The following CLCA4 variants were observed in gnomAD, a reference collection of about 807,000 sequenced individuals.
CLCA4 encodes the protein calcium-activated chloride channel regulator 4.
CLCA4 carries 69 observed loss-of-function variants against 78.9 expected under a neutral mutation model. The ratio of observed to expected loss-of-function variants is 0.87; its 90% CI spans 0.72 to 1.07. The LOEUF (loss-of-function observed/expected upper bound fraction) is 1.07, where lower values mean the gene tolerates loss of function less well. CLCA4 is among the 50% of genes least tolerant of loss of function. The pLI is 0.00. For missense variants in CLCA4, 1,133 were observed against 1,095.8 expected (o/e 1.03, Z -0.48); for synonymous variants, 362 against 375.8 (o/e 0.96, Z 0.42).
chr1:86,553,951 GTGTCAA>G (rs1366558083), intron 1 of CLCA4, among the ~76,000 whole-genome samples: 1 of 152,124 alleles, frequency 6.6e-6, no homozygotes, highest in East Asian at 1.9e-4. Context: ...AAAAGTTTGT[GTGTCAA>G]TGTATGACCC....
At chr1:86,561,008 T>TA (rs947192776) in intron 3 of CLCA4, among the ~76,000 whole-genome samples, 3 of 152,234 alleles carry the variant, frequency 2.0e-5, no homozygotes, top group Non-Finnish European at 4.4e-5. Context: ...CATGTATCAC[T>TA]ATTAAATGGG....
At chr1:86,552,345 G>A (rs1281968861) in intron 1 of CLCA4, among the ~76,000 whole-genome samples, 2 of 152,326 alleles carry the variant, frequency 1.3e-5, no homozygotes, top group South Asian at 2.1e-4. Flanking sequence ...AAAGAGAGAC[G>A]AAGGGCCCAG....
At chr1:86,578,862 A>G (rs764473698) in intron 12 of CLCA4, among the ~76,000 whole-genome samples, 2 of 152,056 alleles carry the variant, frequency 1.3e-5, no homozygotes, top group African/African-American at 4.8e-5. Context: ...AAGTGATGTA[A>G]GAATTAAGAA....
chr1:86,577,396 T>C (rs781092368), intron 11 of CLCA4, among the ~76,000 whole-genome samples: 1 of 152,104 alleles, frequency 6.6e-6, no homozygotes, highest in Non-Finnish European at 1.5e-5. Flanking sequence ...GACCTTTCCC[T>C]AGGAAGTCTG....
intron 4 of CLCA4, 119 bp downstream of exon 4, chr1:86,563,888 AT>A (rs909093527): frequency 5.5e-4 from 278 of 501,468 alleles, no homozygotes; most frequent in South Asian, 9.4e-4. Context: ...CAATGCTTTT[AT>A]TTTTTTTTAG....
chr1:86,553,070 G>A (rs1232873824), intron 1 of CLCA4: 1 of 673,554 alleles, frequency 1.5e-6, no homozygotes, highest in Non-Finnish European at 2.7e-6. Context: ...AAGACCAAGT[G>A]GTCCAGCGGC....
rs1650569496 is a variant in CLCA4, at chr1:86,577,942, T to G, written c.1992T>G (p.Tyr664Ter). The change falls in exon 12 of 14, where the codon TAT (tyrosine) becomes TAG (stop). Residue 664 changes from tyrosine (Y) to a stop codon, truncating the protein, a stop_gained. Transcript: ENST00000370563. LOFTEE classifies it high-confidence loss of function. ...AGAATGATGGAGTCTACTCCAGGTA[T>G]TTTACAGCATATACAGAAAATGGCA... The part of the protein sequence containing the change: ...SFKNDGVYSR[Y>*]FTAYTENGRY... 1 of 1,612,718 alleles carries G rather than the reference T, an allele frequency of 6.2e-7. No individual in the cohort carries two copies. The highest frequency in any genetic ancestry group is 1.3e-5 in the African/African-American group (1 of 74,830).
chr1:86,550,763 A>C (rs980057271), intron 1 of CLCA4, among the ~76,000 whole-genome samples: 1 of 151,884 alleles, frequency 6.6e-6, no homozygotes, highest in South Asian at 2.1e-4. Context: ...AATAAAAATA[A>C]AATTAAAAAA....
Position 86,578,012 on chromosome 1 carries a change from A to G in CLCA4, c.2062A>G (p.Arg688Gly), listed in dbSNP as rs775307479. The G allele has an allele frequency of 3.7e-6, 6 of 1,612,756 alleles. No homozygotes were observed. In the African/African-American group the frequency reaches 5.3e-5, roughly 14 times the overall value. The change falls in exon 12 of 14, where the codon AGG becomes GGG. Residue 688 changes from arginine to glycine, a missense_variant. Coordinates refer to ENST00000370563, the MANE Select transcript of CLCA4 (RefSeq NM_012128.4). ...VRAHGGANTA[R>G]LKLRPPLNRA... is the part of the protein sequence containing the mutation. ...GGCTCATGGAGGAGCAAACACTGCCAGGCTAAAATTACGGCCTCCACTGAA... is the reference window on the plus strand; with the variant it reads ...GGCTCATGGAGGAGCAAACACTGCCGGGCTAAAATTACGGCCTCCACTGAA...
chr1:86,564,003 C>T (rs1463041536), intron 4 of CLCA4, among the ~76,000 whole-genome samples: 2 of 152,080 alleles, frequency 1.3e-5, no homozygotes, highest in African/African-American at 4.8e-5. Flanking sequence ...CTACCATAGC[C>T]TCCAGAACTC....
At position 86,548,357 on chromosome 1, in the gene CLCA4, G is replaced by A. The variant is rs188155785; in HGVS notation, c.159+1079G>A. Among the ~76,000 whole-genome samples, 356 of 152,128 alleles carry A rather than the reference G, an allele frequency of 2.3e-3. 2 individuals are homozygous for A. The highest frequency in any genetic ancestry group is 8.1e-3 in the African/African-American group (336 of 41,494). Reference sequence around the variant, plus strand: ...TATTCTGGATAATAATCCATTGTTGGATGAATAGTTTGCAAATATTTTTCC... The same window carrying A: ...TATTCTGGATAATAATCCATTGTTGAATGAATAGTTTGCAAATATTTTTCC... On this transcript the variant is annotated intron_variant, in intron 1 of 13. Coordinates refer to ENST00000370563, the MANE Select transcript of CLCA4 (RefSeq NM_012128.4).
At chr1:86,550,918 G>T (rs991512798) in intron 1 of CLCA4, among the ~76,000 whole-genome samples, 1 of 146,890 alleles carries the variant, frequency 6.8e-6, no homozygotes, top group Non-Finnish European at 1.5e-5. Flanking sequence ...TGCAAGCTCC[G>T]CCTCCCACGT....
In CLCA4 at chr1:86,565,301, T is replaced by C. The variant is rs1296088710; in HGVS notation, c.585T>C (p.Asn195=). The C allele has an allele frequency of 1.9e-6, 3 of 1,602,320 alleles. No individual in the cohort carries two copies. Among genetic ancestry groups the C allele is most frequent in the African/African-American group, 1.3e-5 (1 of 74,410 alleles). Residue 195 remains asparagine (N), a synonymous_variant, in exon 5 of 14, where the codon AAT becomes AAC. Transcript: ENST00000370563. ...TRCSAGISGR[N]RVYKCQGGSC... Reference sequence around the variant, plus strand: ...GTTCCGCAGGTATCTCTGGTAGAAATAGAGTTTATAAGTGTCAAGGAGGCA... The same window carrying C: ...GTTCCGCAGGTATCTCTGGTAGAAACAGAGTTTATAAGTGTCAAGGAGGCA...
intron 1 of CLCA4, among the ~76,000 whole-genome samples, chr1:86,548,283 ATAT>A (rs550108243): frequency 1.3e-5 from 2 of 152,014 alleles, no homozygotes; most frequent in Admixed American, 6.6e-5. Context: ...CCATTTTAAA[ATAT>A]TATTATTATT....
intron 11 of CLCA4, 127 bp downstream of exon 11, chr1:86,575,726 C>A: frequency 1.2e-6 from 1 of 865,996 alleles, no homozygotes; most frequent in Non-Finnish European, 1.8e-6. Context: ...ACAGCAGGAA[C>A]AGCAGGAAAT....
Position 86,575,312 on chromosome 1 carries a change from A to G in CLCA4, c.1684-20A>G. 2 of 1,600,212 alleles carry G rather than the reference A, an allele frequency of 1.2e-6. No individual in the cohort carries two copies. The highest frequency in any genetic ancestry group is 1.7e-4 in the Middle Eastern group (1 of 6,000). On this transcript the variant is annotated intron_variant, in intron 10 of 13. Transcript: ENST00000370563. The stretch of plus-strand genomic sequence containing the variant: ...TAGCTTGACTTTGGATACTTACTAT[A>G]TTTCTGTTGAAACTTTTAGGTGGGC...
In CLCA4 at chr1:86,580,282, G is replaced by T. The variant is rs369434811; in HGVS notation, c.2697G>T (p.Thr899=). The T allele has an allele frequency of 3.7e-6, 6 of 1,611,454 alleles. No homozygotes were observed. In the African/African-American group the frequency reaches 8.0e-5, roughly 22 times the overall value. ...KSHNSGVNIS[T]LVLSVIGSVV... is the part of the protein sequence containing the mutation. Reference sequence around the variant, plus strand: ...ATAATTCTGGAGTTAATATTTCTACGCTGGTATTGTCTGTGATTGGGTCTG... The same window carrying T: ...ATAATTCTGGAGTTAATATTTCTACTCTGGTATTGTCTGTGATTGGGTCTG... Residue 899 remains threonine, a synonymous_variant, in exon 14 of 14, where the codon ACG becomes ACT. Transcript: ENST00000370563.
At chr1:86,549,291 G>C (rs1437131661) in intron 1 of CLCA4, among the ~76,000 whole-genome samples, 1 of 152,200 alleles carries the variant, frequency 6.6e-6, no homozygotes, top group African/African-American at 2.4e-5. Flanking sequence ...ACAGCATGGA[G>C]GTGAGAATTC....
rs142989315 is a variant in CLCA4, at chr1:86,570,265, G to A, written c.1183-812G>A. Among the ~76,000 whole-genome samples the A allele has an allele frequency of 8.5e-4, 129 of 151,864 alleles. 1 individual carries two copies. In the Middle Eastern group the frequency reaches 0.01, roughly 12 times the overall value. On this transcript the variant is annotated intron_variant, in intron 7 of 13. Coordinates refer to ENST00000370563, the MANE Select transcript of CLCA4 (RefSeq NM_012128.4). ...ACAATCTGTCATTTTTCACCTCTTG[G>A]CCTGGAATCAAGGTCTCAAAATGGT... is the stretch of plus-strand genomic sequence containing the variant.
Sources: gnomAD v4.1 joint callset for allele counts (sites outside exome capture counted in the v4.1 genomes callset) on GRCh38, gnomAD v4.1.1 for gene constraint, MANE v1.5 for transcripts, NCBI Gene and HGNC (gene_info 2026-07-23, HGNC 2026-07-21) for gene names.